Variants in KCNN2 observed in about 807,000 individuals in gnomAD.
The protein encoded by KCNN2 is potassium calcium-activated channel subfamily N member 2.
A neutral mutation model predicts 55.5 loss-of-function variants in KCNN2; 24 were observed. The observed-to-expected ratio is 0.43, with a 90% CI of 0.31 to 0.61. KCNN2 has a LOEUF of 0.61. Among genes scored for constraint, KCNN2 ranks in the 20% least tolerant of loss-of-function variants. KCNN2 has a pLI of 0.08. For missense variants in KCNN2, 754 were observed against 853.6 expected, an observed-to-expected ratio of 0.88 and a Z score of 1.45; for synonymous variants, 431 against 336.1, an observed-to-expected ratio of 1.28 and a Z score of -3.09.
intron 1 of KCNN2, among the ~76,000 whole-genome samples, chr5:114,063,313 TC>T (rs1269388809): frequency 1.3e-5 from 2 of 152,254 alleles, no homozygotes; most frequent in African/African-American, 4.8e-5. Flanking sequence ...GATTGACTCA[TC>T]CTGCTATGCT....
chr5:114,116,864 A>G (rs893711171), intron 1 of KCNN2, among the ~76,000 whole-genome samples: 3 of 152,120 alleles, frequency 2.0e-5, no homozygotes, highest in African/African-American at 4.8e-5. Flanking sequence ...ATATGTCCTT[A>G]TCTTTTGCTT....
At chr5:114,370,075 A>T (rs1757718253) in intron 2 of KCNN2, among the ~76,000 whole-genome samples, 2 of 152,146 alleles carry the variant, frequency 1.3e-5, no homozygotes, top group Non-Finnish European at 2.9e-5. Context: ...TTGGGAGTAC[A>T]TTTTCAACCT....
At chr5:114,221,377 C>A (rs2112592907) in intron 1 of KCNN2, among the ~76,000 whole-genome samples, 1 of 151,914 alleles carries the variant, frequency 6.6e-6, no homozygotes, top group Admixed American at 6.6e-5. Flanking sequence ...TTTTAAATGC[C>A]AAGGAAAAAA....
chr5:114,252,166 C>T (rs1476986191), intron 2 of KCNN2, among the ~76,000 whole-genome samples: 1 of 152,074 alleles, frequency 6.6e-6, no homozygotes, highest in Non-Finnish European at 1.5e-5. Flanking sequence ...GCATGAGCTA[C>T]CATGGCCTGG....
intron 1 of KCNN2, among the ~76,000 whole-genome samples, chr5:114,090,637 T>G (rs1751123853): frequency 6.6e-6 from 1 of 151,936 alleles, no homozygotes; most frequent in Non-Finnish European, 1.5e-5. Flanking sequence ...TCATTGAATA[T>G]AGATATGCTA....
At chr5:114,127,671 G>T (rs1022107659) in intron 1 of KCNN2, among the ~76,000 whole-genome samples, 7 of 152,154 alleles carry the variant, frequency 4.6e-5, no homozygotes, top group Non-Finnish European at 1.0e-4. Flanking sequence ...TGTTTTTTAT[G>T]CAAATTTCTG....
chr5:114,215,380 A>G (rs1235706630), intron 1 of KCNN2, among the ~76,000 whole-genome samples: 1 of 152,142 alleles, frequency 6.6e-6, no homozygotes, highest in Non-Finnish European at 1.5e-5. Flanking sequence ...ACCAGTAGCT[A>G]GATAAAGAAT....
chr5:114,271,948 T>G (rs1313922884), intron 2 of KCNN2, among the ~76,000 whole-genome samples: 1 of 152,188 alleles, frequency 6.6e-6, no homozygotes, highest in Non-Finnish European at 1.5e-5. Flanking sequence ...GTACATGAAT[T>G]AATACCTGTA....
chr5:114,220,778 A>G (rs1439687500), intron 1 of KCNN2, among the ~76,000 whole-genome samples: 5 of 150,130 alleles, frequency 3.3e-5, no homozygotes, highest in Non-Finnish European at 5.9e-5. Context: ...GTCAGCTGAG[A>G]TCGTGCCACT....
At chr5:114,449,882 ACAC>A (rs1347338773) in intron 3 of KCNN2, among the ~76,000 whole-genome samples, 1 of 33,888 alleles carries the variant, frequency 3.0e-5, no homozygotes, top group South Asian at 1.3e-3. Context: ...CCAAACATAC[ACAC>A]ACACACACAC....
chr5:114,395,381 A>C (rs12189479), intron 2 of KCNN2, among the ~76,000 whole-genome samples: 41,261 of 152,124 alleles, frequency 0.27, 6,392 homozygotes, highest in Non-Finnish European at 0.35. Context: ...TTATGCCTAC[A>C]AGTTACTTTA....
At chr5:114,312,227 C>A (rs1442872028) in intron 2 of KCNN2, among the ~76,000 whole-genome samples, 1 of 151,820 alleles carries the variant, frequency 6.6e-6, no homozygotes, top group African/African-American at 2.4e-5. Context: ...GGAACAATCT[C>A]TTTTCTTCCT....
intron 2 of KCNN2, among the ~76,000 whole-genome samples, chr5:114,341,080 G>T (rs890044933): frequency 2.0e-5 from 3 of 152,016 alleles, no homozygotes; most frequent in African/African-American, 7.2e-5. Flanking sequence ...TTCTTTATCC[G>T]GTCATCCATT....
At chr5:114,303,083 G>T (rs752573180) in intron 2 of KCNN2, among the ~76,000 whole-genome samples, 6 of 152,206 alleles carry the variant, frequency 3.9e-5, no homozygotes, top group Non-Finnish European at 8.8e-5. Flanking sequence ...TGGCATTCTG[G>T]CCATTGAGCA....
intron 6 of KCNN2, among the ~76,000 whole-genome samples, chr5:114,488,359 C>T (rs190387198): frequency 1.3e-5 from 2 of 152,278 alleles, no homozygotes; most frequent in Non-Finnish European, 2.9e-5. Flanking sequence ...GATAGTGATG[C>T]TATTTCCTCT....
intron 1 of KCNN2, among the ~76,000 whole-genome samples, chr5:114,176,515 A>G (rs183817438): frequency 4.4e-4 from 67 of 152,274 alleles, no homozygotes; most frequent in African/African-American, 1.1e-3. Flanking sequence ...TTACATTCTA[A>G]TATCACTAAG....
chr5:114,103,870 A>G (rs1465673554), intron 1 of KCNN2, among the ~76,000 whole-genome samples: 1 of 152,122 alleles, frequency 6.6e-6, no homozygotes, highest in South Asian at 2.1e-4. Context: ...CATCAGGGAT[A>G]TTGGCCTGAG....
intron 2 of KCNN2, among the ~76,000 whole-genome samples, chr5:114,388,248 T>C (rs1398170085): frequency 6.6e-6 from 1 of 152,194 alleles, no homozygotes; most frequent in African/African-American, 2.4e-5. Context: ...CTTTCTCCTT[T>C]CTTTCCTTAT....
chr5:114,481,609 A>G (rs2150132420), intron 5 of KCNN2, among the ~76,000 whole-genome samples: 1 of 152,338 alleles, frequency 6.6e-6, no homozygotes, highest in Non-Finnish European at 1.5e-5. Flanking sequence ...CAAAAAGAAC[A>G]AAGCTGGAGG....
Sources: allele counts gnomAD v4.1 joint callset (sites outside exome capture counted in the v4.1 genomes callset), GRCh38; gene constraint gnomAD v4.1.1; transcripts MANE v1.5; gene names NCBI Gene and HGNC (gene_info 2026-07-23, HGNC 2026-07-21).